LRRC37A2: variants seen among roughly 807,000 people sequenced by gnomAD.
The protein encoded by LRRC37A2 is leucine-rich repeat-containing protein 37A2.
In LRRC37A2, 9 loss-of-function variants were observed where a neutral mutation model predicts 68.8. The observed-to-expected ratio is 0.13, with a 90% CI of 0.08 to 0.23. The LOEUF is 0.23. Ranked by LOEUF, LRRC37A2 falls within the 10% of genes least tolerant of loss-of-function variation. The pLI, the probability that LRRC37A2 is intolerant of heterozygous loss-of-function variation, is 1.00. For missense variants in LRRC37A2, 168 were observed against 950.4 expected, an observed-to-expected ratio of 0.18 and a Z score of 10.82; for synonymous variants, 63 against 367.6, an observed-to-expected ratio of 0.17 and a Z score of 9.48.
At chr17:47,006,209 G>A in the LRRC37A2 span, among the ~76,000 whole-genome samples, 139,058 of 152,228 alleles carry the variant, frequency 0.91, 63,947 homozygotes, top group East Asian at 0.99. Flanking sequence ...TTCTACAGCA[G>A]TTTATTTACA....
chr17:46,951,821 C>G, the LRRC37A2 span, among the ~76,000 whole-genome samples: 1 of 152,202 alleles, frequency 6.6e-6, no homozygotes, highest in Non-Finnish European at 1.5e-5. Context: ...TCTCTTCCCC[C>G]ACTCTGCCCG....
chr17:46,842,860 C>A, the LRRC37A2 span, among the ~76,000 whole-genome samples: 2 of 152,232 alleles, frequency 1.3e-5, no homozygotes, highest in Non-Finnish European at 1.5e-5. Context: ...AAGATGTCCA[C>A]ATTCATCTTC....
the LRRC37A2 span, among the ~76,000 whole-genome samples, chr17:46,773,221 G>C: frequency 6.6e-6 from 1 of 152,128 alleles, no homozygotes; most frequent in Non-Finnish European, 1.5e-5. Context: ...CAGAAACCTA[G>C]AGGGGCTCTT....
At chr17:46,678,326 A>T in the LRRC37A2 span, among the ~76,000 whole-genome samples, 1 of 100,580 alleles carries the variant, frequency 9.9e-6, no homozygotes, top group Non-Finnish European at 2.0e-5. Flanking sequence ...CTAAAAATAA[A>T]CAAATATAAA....
the LRRC37A2 span, among the ~76,000 whole-genome samples, chr17:46,960,476 A>G: frequency 6.6e-6 from 1 of 152,358 alleles, no homozygotes; most frequent in Admixed American, 6.5e-5. Context: ...TGTGCTTCCT[A>G]TATGACCCAG....
At chr17:46,501,615 G>C in the LRRC37A2 span, among the ~76,000 whole-genome samples, 1 of 151,202 alleles carries the variant, frequency 6.6e-6, no homozygotes, top group Non-Finnish European at 1.5e-5. Flanking sequence ...AGTTCTCAGA[G>C]GATGGAAACA....
chr17:46,938,790 T>G, the LRRC37A2 span: 5 of 1,613,122 alleles, frequency 3.1e-6, no homozygotes, highest in South Asian at 3.3e-5. Flanking sequence ...TGAACAGCAT[T>G]CCCACAGCCT....
At chr17:46,839,940 C>CTTT in the LRRC37A2 span, among the ~76,000 whole-genome samples, 1 of 148,120 alleles carries the variant, frequency 6.8e-6, no homozygotes, top group Non-Finnish European at 1.5e-5. Context: ...TTCTTTCTTT[C>CTTT]TTTCTTTCTT....
chr17:46,779,108 A>G, the LRRC37A2 span, among the ~76,000 whole-genome samples: 1 of 32,478 alleles, frequency 3.1e-5, no homozygotes, highest in Admixed American at 3.1e-4. Flanking sequence ...CACACACCCC[A>G]GCCCACTCGG....
the LRRC37A2 span, chr17:46,948,870 G>A: frequency 3.9e-5 from 6 of 152,270 alleles, no homozygotes; most frequent in African/African-American, 1.2e-4. Flanking sequence ...ATGTAGGAAA[G>A]ATGAGGATGA....
At chr17:46,749,938 T>G in the LRRC37A2 span, 1 of 1,603,056 alleles carries the variant, frequency 6.2e-7, no homozygotes, top group Admixed American at 1.7e-5. Context: ...TGCACACTGT[T>G]TATAAGAAAG....
chr17:46,765,387 G>C, the LRRC37A2 span, among the ~76,000 whole-genome samples: 1 of 152,244 alleles, frequency 6.6e-6, no homozygotes, highest in Non-Finnish European at 1.5e-5. Context: ...TCTGGCACTT[G>C]TAAGGCACCA....
chr17:46,898,483 T>C, the LRRC37A2 span, among the ~76,000 whole-genome samples: 1 of 152,202 alleles, frequency 6.6e-6, no homozygotes, highest in Admixed American at 6.5e-5. Context: ...CATGGCCTCT[T>C]CTTATGAGAC....
At chr17:46,856,275 A>G in the LRRC37A2 span, among the ~76,000 whole-genome samples, 2 of 152,128 alleles carry the variant, frequency 1.3e-5, no homozygotes, top group South Asian at 2.1e-4. Flanking sequence ...GGTGAGGCTT[A>G]ATTGAAACAA....
At chr17:46,939,161 A>T in the LRRC37A2 span, 2 of 1,107,812 alleles carry the variant, frequency 1.8e-6, no homozygotes, top group African/African-American at 3.2e-5. Flanking sequence ...CTGGCTCCTG[A>T]TAGGGTGGAG....
At chr17:46,897,622 G>C in the LRRC37A2 span, among the ~76,000 whole-genome samples, 1 of 152,190 alleles carries the variant, frequency 6.6e-6, no homozygotes, top group African/African-American at 2.4e-5. Context: ...CAGGCTCTGG[G>C]TGTACCTTTT....
the LRRC37A2 span, among the ~76,000 whole-genome samples, chr17:46,720,762 A>G: frequency 6.6e-6 from 1 of 152,182 alleles, no homozygotes; most frequent in South Asian, 2.1e-4. Flanking sequence ...CACGCCAAGT[A>G]CTTCAGAACT....
chr17:46,978,851 C>T, the LRRC37A2 span: 1 of 1,592,856 alleles, frequency 6.3e-7, no homozygotes, highest in Non-Finnish European at 8.5e-7. Flanking sequence ...GCCAGCCCCG[C>T]GGGGACCCCG....
chr17:46,851,580 C>T, the LRRC37A2 span: 144 of 983,620 alleles, frequency 1.5e-4, no homozygotes, highest in Middle Eastern at 7.6e-4. The surrounding 1 kb of genome is among the most constrained non-coding windows in gnomAD (Gnocchi z 4.3). Flanking sequence ...CGGGTGGTGG[C>T]GGAGCTGCGA....
Sources: gnomAD v4.1 joint callset for allele counts (sites outside exome capture counted in the v4.1 genomes callset) on GRCh38, gnomAD v4.1.1 for gene constraint, Gnocchi (gnomAD v3.1) non-coding constraint, MANE v1.5 for transcripts, NCBI Gene and HGNC (gene_info 2026-07-23, HGNC 2026-07-21) for gene names.